NCMAP: variants seen among roughly 807,000 people sequenced by gnomAD.
The protein encoded by NCMAP is non-compact myelin associated protein.
NCMAP carries 8 observed loss-of-function variants against 7.8 expected under a neutral mutation model. The observed-to-expected ratio is 1.02, with a 90% CI of 0.60 to 1.84. The LOEUF is 1.84. NCMAP is among the 40% of genes most tolerant of loss of function. NCMAP has a pLI of 0.00. For synonymous variants in NCMAP, 41 were observed against 52.9 expected (o/e 0.78, Z 0.98); for missense variants, 112 against 131.4 (o/e 0.85, Z 0.72).
At chr1:24,595,339 C>T in intron 1 of NCMAP, 85 bp from the exon 2 acceptor site, 1 of 893,766 alleles carries the variant, frequency 1.1e-6, no homozygotes, top group African/African-American at 1.7e-5. Context: ...CTACAGTCAT[C>T]CAGATAAAGA....
chr1:24,575,762 A>G (rs1483558780), intron 1 of NCMAP, among the ~76,000 whole-genome samples: 3 of 151,366 alleles, frequency 2.0e-5, no homozygotes, highest in South Asian at 4.2e-4. Context: ...CCTGACCAGC[A>G]TGGTGAAACC....
At chr1:24,557,106 A>C (rs144603835) in intron 1 of NCMAP, among the ~76,000 whole-genome samples, 18 of 152,358 alleles carry the variant, frequency 1.2e-4, no homozygotes, top group African/African-American at 3.4e-4. Flanking sequence ...AATGTCTGCT[A>C]GCAGCTGCTT....
In NCMAP at chr1:24,570,942, A is replaced by G. The variant is rs1651372752; in HGVS notation, c.-8+14773A>G. On this transcript the variant is annotated intron_variant, in intron 1 of 3. Coordinates refer to ENST00000374392, the MANE Select transcript of NCMAP (RefSeq NM_001010980.5). Reference sequence around the variant, plus strand: ...GGTGAACACTTACCACCCGGTCATAATTACTCCTTCTGGGCGCCTCTGCTA... The same window carrying G: ...GGTGAACACTTACCACCCGGTCATAGTTACTCCTTCTGGGCGCCTCTGCTA... 1.3e-5 allele frequency among the ~76,000 whole-genome samples: 2 copies of G among 150,768 alleles called. 1 individual carries two copies. Among genetic ancestry groups the G allele is most frequent in the African/African-American group, 5.0e-5 (2 of 40,084 alleles).
chr1:24,595,557 C>A (rs1652195707), intron 2 of NCMAP, 45 bp downstream of exon 2: 1 of 1,472,222 alleles, frequency 6.8e-7, no homozygotes, highest in Non-Finnish European at 9.5e-7. Context: ...ATGGCAGGAC[C>A]AGTGTCATGG....
At chr1:24,604,603 AAAATATATATATATATATATATATATAT>A (rs1652640574) in intron 3 of NCMAP, among the ~76,000 whole-genome samples, 3 of 41,374 alleles carry the variant, frequency 7.3e-5, no homozygotes, top group Non-Finnish European at 1.2e-4. Context: ...AAAAAAAAAA[AAAATATATATATATATATATATATATAT>A]ATATATATAT....
At chr1:24,571,588 T>C (rs1424735281) in intron 1 of NCMAP, among the ~76,000 whole-genome samples, 1 of 150,574 alleles carries the variant, frequency 6.6e-6, no homozygotes, top group Middle Eastern at 3.2e-3. Flanking sequence ...TTCATATATA[T>C]ACTTTTTTTT....
intron 1 of NCMAP, among the ~76,000 whole-genome samples, chr1:24,573,692 C>G (rs1410369305): frequency 1.3e-5 from 2 of 150,536 alleles, no homozygotes; most frequent in Non-Finnish European, 2.9e-5. Context: ...AATCCCAGAA[C>G]TTTGGAAGGC....
chr1:24,596,203 G>A (rs1257916678), intron 2 of NCMAP, among the ~76,000 whole-genome samples: 2 of 152,184 alleles, frequency 1.3e-5, no homozygotes. Context: ...AACCTGGGAA[G>A]CAGAGGTTGC....
intron 1 of NCMAP, among the ~76,000 whole-genome samples, chr1:24,568,919 G>A (rs958434774): frequency 1.3e-5 from 2 of 151,972 alleles, no homozygotes; most frequent in Non-Finnish European, 2.9e-5. Flanking sequence ...CACCATACCC[G>A]GCTCATAATG....
In NCMAP at chr1:24,557,198, C is replaced by T. The variant is rs934661380; in HGVS notation, c.-8+1029C>T. Among the ~76,000 whole-genome samples the T allele has an allele frequency of 3.9e-5, 6 of 152,140 alleles. 1 individual carries two copies. In the East Asian group the frequency reaches 1.2e-3, roughly 29 times the overall value. ...GCCCAGCATGCAGTAGGTCTCAATACATATTTGTCCAATGAATGAATGAAT... is the reference window on the plus strand; with the variant it reads ...GCCCAGCATGCAGTAGGTCTCAATATATATTTGTCCAATGAATGAATGAAT... On this transcript the variant is annotated intron_variant, in intron 1 of 3. Coordinates refer to ENST00000374392, the MANE Select transcript of NCMAP (RefSeq NM_001010980.5).
chr1:24,606,035 C>T lies in NCMAP; in HGVS notation c.*288C>T, dbSNP rs1159689969. Reference sequence around the variant, plus strand: ...AATCCACCAATGTGGGCTTGGCTTTCCCCCACACTGTAGTTAGACAGATAG... The same window carrying T: ...AATCCACCAATGTGGGCTTGGCTTTTCCCCACACTGTAGTTAGACAGATAG... On this transcript the variant is annotated 3_prime_UTR_variant, in exon 4 of 4. Transcript: ENST00000374392. The T allele has an allele frequency of 7.8e-6, 3 of 384,748 alleles. No individual in the cohort carries two copies. Among genetic ancestry groups the T allele is most frequent in the East Asian group, 4.7e-5 (1 of 21,460 alleles). The allele number at this position is 384,748 out of a possible 1,614,324, so 23.8% of individuals were successfully genotyped here. A position where few individuals can be genotyped will look rare whatever the true frequency, so the allele number is the denominator to read the frequency against.
At chr1:24,596,227 C>T (rs1042023992) in intron 2 of NCMAP, among the ~76,000 whole-genome samples, 11 of 151,888 alleles carry the variant, frequency 7.2e-5, no homozygotes, top group Non-Finnish European at 1.3e-4. Flanking sequence ...GAGCTGAGAT[C>T]GTGCCACTGC....
Position 24,605,873 on chromosome 1 carries a change from G to A in NCMAP, c.*126G>A, listed in dbSNP as rs1173546148. 18 of 1,135,210 alleles carry A rather than the reference G, an allele frequency of 1.6e-5. No homozygotes were observed. In the East Asian group the frequency reaches 3.1e-4, roughly 19 times the overall value. The allele number at this position is 1,135,210 out of a possible 1,614,324, so 70.3% of individuals were successfully genotyped here. The stretch of plus-strand genomic sequence containing the variant: ...TCAGGTCGACAGAGACATCTTTGAC[G>A]CAATCTCTGATGCTTCCAGCAATCC... On this transcript the variant is annotated 3_prime_UTR_variant, in exon 4 of 4. Transcript: ENST00000374392.
chr1:24,575,311 A>G (rs1177794267), intron 1 of NCMAP, among the ~76,000 whole-genome samples: 1 of 152,156 alleles, frequency 6.6e-6, no homozygotes, highest in Non-Finnish European at 1.5e-5. Flanking sequence ...TTGGAAAAAA[A>G]ATAAAATTTT....
intron 2 of NCMAP, among the ~76,000 whole-genome samples, chr1:24,597,525 G>T (rs1158187305): frequency 1.5e-5 from 1 of 68,140 alleles, no homozygotes; most frequent in East Asian, 4.4e-4. Context: ...AGGAAGGGGG[G>T]GGGGGAGGGG....
chr1:24,565,584 G>GTGTGTC (rs1651205774), intron 1 of NCMAP, among the ~76,000 whole-genome samples: 1 of 122,276 alleles, frequency 8.2e-6, no homozygotes, highest in African/African-American at 3.3e-5. Flanking sequence ...GTGTGTGTGT[G>GTGTGTC]TGTGTGTGTG....
intron 1 of NCMAP, among the ~76,000 whole-genome samples, chr1:24,577,562 A>G (rs927277408): frequency 6.6e-6 from 1 of 151,706 alleles, no homozygotes; most frequent in Non-Finnish European, 1.5e-5. Context: ...GGCTTGAACC[A>G]CCATGCCCGG....
At chr1:24,575,568 C>T (rs868842826) in intron 1 of NCMAP, among the ~76,000 whole-genome samples, 4 of 152,180 alleles carry the variant, frequency 2.6e-5, no homozygotes, top group East Asian at 1.9e-4. Context: ...CCCTTGTCTT[C>T]GCCAAGCCAC....
Position 24,607,825 on chromosome 1 carries a change from C to G in NCMAP, c.*2078C>G, listed in dbSNP as rs1382048350. On this transcript the variant is annotated 3_prime_UTR_variant, in exon 4 of 4. Coordinates refer to ENST00000374392, the MANE Select transcript of NCMAP (RefSeq NM_001010980.5). Reference sequence around the variant, plus strand: ...GTTGCAGTGAGCCAAGATCGTGCCACTGCACTCCAGCCTGGGCAACAGAGT... The same window carrying G: ...GTTGCAGTGAGCCAAGATCGTGCCAGTGCACTCCAGCCTGGGCAACAGAGT... 6.6e-6 allele frequency: 1 copy of G among 152,412 alleles called. No individual in the cohort carries two copies. The highest frequency in any genetic ancestry group is 2.4e-5 in the African/African-American group (1 of 41,448). The allele number at this position is 152,412 out of a possible 1,614,324, so 9.4% of individuals were successfully genotyped here.
Sources: allele counts gnomAD v4.1 joint callset (sites outside exome capture counted in the v4.1 genomes callset), GRCh38; gene constraint gnomAD v4.1.1; transcripts MANE v1.5; gene names NCBI Gene and HGNC (gene_info 2026-07-23, HGNC 2026-07-21).